Variants in SCD5 observed in about 807,000 individuals in gnomAD.
SCD5 encodes acyl-CoA-desaturase 4.
SCD5 carries 20 observed loss-of-function variants against 30.4 expected under a neutral mutation model. The ratio of observed to expected loss-of-function variants is 0.66; its 90% CI spans 0.46 to 0.96. The LOEUF (loss-of-function observed/expected upper bound fraction) is 0.96. Ranked by LOEUF, SCD5 falls within the 40% of genes least tolerant of loss-of-function variation. The pLI is 0.00. For missense variants in SCD5, 381 were observed against 443.3 expected, an observed-to-expected ratio of 0.86 and a Z score of 1.26; for synonymous variants, 173 against 176.4, an observed-to-expected ratio of 0.98 and a Z score of 0.16.
At chr4:82,759,019 G>A (rs1343122491) in intron 1 of SCD5, among the ~76,000 whole-genome samples, 1 of 152,208 alleles carries the variant, frequency 6.6e-6, no homozygotes, top group African/African-American at 2.4e-5. Context: ...CAACTGCTGC[G>A]CGGGTCCCTG....
chr4:82,785,727 T>TA (rs1721971646), intron 1 of SCD5, among the ~76,000 whole-genome samples: 1 of 152,270 alleles, frequency 6.6e-6, no homozygotes, highest in Non-Finnish European at 1.5e-5. Flanking sequence ...TGAGTATAGC[T>TA]AAAAAATGCT....
chr4:82,755,820 G>T (rs780816215), intron 1 of SCD5, among the ~76,000 whole-genome samples: 10 of 152,122 alleles, frequency 6.6e-5, no homozygotes, highest in Non-Finnish European at 1.3e-4. Context: ...ATACCATGTT[G>T]AATTTAATTT....
chr4:82,634,946 T>A (rs1327039942), intron 4 of SCD5, among the ~76,000 whole-genome samples: 1 of 152,236 alleles, frequency 6.6e-6, no homozygotes, highest in Non-Finnish European at 1.5e-5. Flanking sequence ...CTAAATGTAG[T>A]GTTCACTCCA....
At chr4:82,699,311 T>C (rs1365675093) in intron 2 of SCD5, among the ~76,000 whole-genome samples, 1 of 152,160 alleles carries the variant, frequency 6.6e-6, no homozygotes, top group Non-Finnish European at 1.5e-5. Context: ...CTTGGATAGG[T>C]TACATAACCA....
intron 1 of SCD5, among the ~76,000 whole-genome samples, chr4:82,729,066 G>A (rs971252072): frequency 3.3e-5 from 5 of 152,204 alleles, no homozygotes; most frequent in Non-Finnish European, 5.9e-5. Context: ...AAGAACAGAA[G>A]TTCTGTGTGT....
At chr4:82,704,530 G>T (rs576495935) in intron 2 of SCD5, among the ~76,000 whole-genome samples, 32 of 152,272 alleles carry the variant, frequency 2.1e-4, no homozygotes, top group African/African-American at 7.7e-4. Flanking sequence ...AAAGAATATG[G>T]CCCAATCCTA....
At chr4:82,734,258 A>G (rs539313889) in intron 1 of SCD5, among the ~76,000 whole-genome samples, 8 of 152,300 alleles carry the variant, frequency 5.3e-5, no homozygotes, top group Non-Finnish European at 1.0e-4. Flanking sequence ...TCTTTCCTGT[A>G]TCCCATACTG....
intron 1 of SCD5, among the ~76,000 whole-genome samples, chr4:82,724,457 A>G (rs1720431060): frequency 6.6e-6 from 1 of 152,188 alleles, no homozygotes; most frequent in Non-Finnish European, 1.5e-5. Context: ...ATCTTTAGAA[A>G]AAATAAATAA....
At chr4:82,698,075 G>A in intron 2 of SCD5, 1 of 456,526 alleles carries the variant, frequency 2.2e-6, no homozygotes, top group East Asian at 6.9e-5. Flanking sequence ...GACCACTTCT[G>A]CTGCTGCCTG....
At chr4:82,640,544 T>TC (rs1368480564) in intron 3 of SCD5, among the ~76,000 whole-genome samples, 7 of 152,204 alleles carry the variant, frequency 4.6e-5, no homozygotes, top group African/African-American at 7.2e-5. Context: ...GCACAGTAAG[T>TC]CTGGGTAGGA....
At chr4:82,689,705 C>T (rs1403159511) in intron 2 of SCD5, among the ~76,000 whole-genome samples, 1 of 152,130 alleles carries the variant, frequency 6.6e-6, no homozygotes, top group East Asian at 1.9e-4. Flanking sequence ...TTCATATAGG[C>T]TCATAATCTT....
chr4:82,735,362 G>A (rs1720728457), intron 1 of SCD5, among the ~76,000 whole-genome samples: 1 of 152,162 alleles, frequency 6.6e-6, no homozygotes, highest in Non-Finnish European at 1.5e-5. Context: ...TGGTGGGATG[G>A]TGTCCTGTCC....
chr4:82,714,920 G>A (rs1578034343), intron 1 of SCD5, among the ~76,000 whole-genome samples: 1 of 149,312 alleles, frequency 6.7e-6, no homozygotes, highest in Non-Finnish European at 1.5e-5. Flanking sequence ...AACTGATCTT[G>A]AGAACAACAG....
At chr4:82,746,077 C>A (rs932835561) in intron 1 of SCD5, among the ~76,000 whole-genome samples, 1 of 152,212 alleles carries the variant, frequency 6.6e-6, no homozygotes, top group African/African-American at 2.4e-5. Context: ...TATGAGTTTT[C>A]ATTTTTCTTA....
At chr4:82,774,967 T>C (rs1023620935) in intron 1 of SCD5, among the ~76,000 whole-genome samples, 1 of 146,216 alleles carries the variant, frequency 6.8e-6, no homozygotes, top group African/African-American at 2.8e-5. Flanking sequence ...AAGGACCCAC[T>C]CTCTGCAGCG....
At chr4:82,634,743 T>A in intron 4 of SCD5, among the ~76,000 whole-genome samples, 1 of 152,156 alleles carries the variant, frequency 6.6e-6, no homozygotes, top group Non-Finnish European at 1.5e-5. Flanking sequence ...GGCCCATCCA[T>A]CCCTACATGG....
chr4:82,664,987 CTCTCTCTCTCTCTA>C (rs1271795745), intron 3 of SCD5, among the ~76,000 whole-genome samples: 8 of 108,754 alleles, frequency 7.4e-5, no homozygotes, highest in Admixed American at 2.7e-4. Context: ...CTCTCTCTCT[CTCTCTCTCTCTCTA>C]TATATATATA....
At chr4:82,659,104 T>A (rs140221584) in intron 3 of SCD5, among the ~76,000 whole-genome samples, 7,962 of 152,244 alleles carry the variant, frequency 0.052, 261 homozygotes, top group South Asian at 0.15. Context: ...TCTTCTAGAT[T>A]TTCTAGTTTA....
At position 82,795,419 on chromosome 4, in the gene SCD5, C is replaced by T. The variant is rs111738051; in HGVS notation, c.232+2887G>A. 5.0e-3 allele frequency among the ~76,000 whole-genome samples: 768 copies of T among 152,328 alleles called. 7 individuals are homozygous for T. Among genetic ancestry groups the T allele is most frequent in the African/African-American group, 0.017 (718 of 41,580 alleles). The stretch of plus-strand genomic sequence containing the variant: ...TTGTGGATCAAGGCACCAGGGCTTT[C>T]ACTGAAAATAACCCTGAGTCAGTGG... On this transcript the variant is annotated intron_variant, in intron 1 of 4. Coordinates refer to ENST00000319540, the MANE Select transcript of SCD5 (RefSeq NM_001037582.3).
Sources: gnomAD v4.1 joint callset for allele counts (sites outside exome capture counted in the v4.1 genomes callset) on GRCh38, gnomAD v4.1.1 for gene constraint, MANE v1.5 for transcripts, NCBI Gene and HGNC (gene_info 2026-07-23, HGNC 2026-07-21) for gene names.